PAM: variants seen among roughly 807,000 people sequenced by gnomAD.
PAM encodes the protein peptidyl-glycine alpha-amidating monooxygenase.
Under a neutral mutation model 122.1 loss-of-function variants are expected in PAM, and 72 were observed. The ratio of observed to expected loss-of-function variants is 0.59; its 90% CI spans 0.49 to 0.72. The LOEUF (loss-of-function observed/expected upper bound fraction) is 0.72. Among genes scored for constraint, PAM ranks in the 30% least tolerant of loss-of-function variants. The probability of loss-of-function intolerance (pLI) is 0.00; values close to 1 mark genes in which losing one functional copy is unlikely to be tolerated. For synonymous variants in PAM, 389 were observed against 404.4 expected (o/e 0.96, Z 0.46); for missense variants, 1,106 against 1,183.7 (o/e 0.93, Z 0.96).
intron 3 of PAM, among the ~76,000 whole-genome samples, chr5:102,900,254 T>TGTGTGTGTCGGGG (rs777616737): frequency 3.7e-5 from 1 of 26,978 alleles, no homozygotes; most frequent in African/African-American, 1.7e-4. Context: ...TGTGTGTGTG[T>TGTGTGTGTCGGGG]GGGGGGGGGG....
At position 102,844,500 on chromosome 5, in the gene PAM, T is replaced by C. The variant is rs148483295; in HGVS notation, c.-373-21323T>C. The stretch of plus-strand genomic sequence containing the variant: ...TGGGTAACATAGCGAGACCCCCATC[T>C]CTACAAAAAATTAAAAAATCAGCTG... On this transcript the variant is annotated intron_variant, in intron 1 of 25. Transcript: ENST00000438793. 2.5e-3 allele frequency among the ~76,000 whole-genome samples: 385 copies of C among 152,020 alleles called. 4 individuals carry two copies. Among genetic ancestry groups the C allele is most frequent in the African/African-American group, 8.7e-3 (360 of 41,452 alleles).
At chr5:102,997,143 G>T (rs1468462111) in intron 16 of PAM, among the ~76,000 whole-genome samples, 3 of 152,114 alleles carry the variant, frequency 2.0e-5, no homozygotes, top group Admixed American at 6.5e-5. Context: ...TGTAATTTGT[G>T]ATAGCAAACG....
intron 1 of PAM, among the ~76,000 whole-genome samples, chr5:102,857,633 CTG>C (rs1368058167): frequency 3.9e-5 from 6 of 152,130 alleles, no homozygotes; most frequent in Admixed American, 3.3e-4. Context: ...GTCAGATTGC[CTG>C]TGTTTATGTC....
intron 12 of PAM, among the ~76,000 whole-genome samples, chr5:102,957,420 G>C (rs1761103973): frequency 6.6e-6 from 1 of 152,044 alleles, no homozygotes; most frequent in Admixed American, 6.6e-5. Context: ...ACAGTCATGA[G>C]CACATTGTGT....
chr5:102,920,055 C>G (rs1746849978), intron 5 of PAM, among the ~76,000 whole-genome samples: 3 of 152,030 alleles, frequency 2.0e-5, no homozygotes, highest in African/African-American at 7.2e-5. Context: ...AGATCCAGAA[C>G]TGTGAAATCG....
At chr5:102,812,833 C>T (rs982041944) in intron 1 of PAM, among the ~76,000 whole-genome samples, 12 of 151,772 alleles carry the variant, frequency 7.9e-5, no homozygotes. Flanking sequence ...TCAAAAATAC[C>T]TCCATAAATA....
At chr5:102,927,432 A>G (rs529876742) in intron 7 of PAM, among the ~76,000 whole-genome samples, 44 of 152,230 alleles carry the variant, frequency 2.9e-4, no homozygotes, top group Admixed American at 1.7e-3. Context: ...CTTTTCTACT[A>G]TGTCTTGCTG....
chr5:102,954,105 C>T (rs1212556947), intron 12 of PAM, among the ~76,000 whole-genome samples: 2 of 151,920 alleles, frequency 1.3e-5, no homozygotes, highest in Non-Finnish European at 2.9e-5. Context: ...TTAATAGTAC[C>T]ACACTGTATC....
Position 102,926,479 on chromosome 5 carries a change from A to C in PAM, c.443-106A>C, listed in dbSNP as rs559588452. On this transcript the variant is annotated intron_variant, in intron 6 of 25. Transcript: ENST00000438793. ...TTCTGTTTTCATATAATATAATTTT[A>C]TATGTTATATGTTATTTCCCTTTGG... The C allele has an allele frequency of 7.9e-5, 53 of 670,404 alleles. No individual in the cohort carries two copies. In the Admixed American group the frequency reaches 1.3e-3, roughly 16 times the overall value. 41.5% of individuals were successfully genotyped at this position (670,404 alleles called of 1,614,324 possible). A position where few individuals can be genotyped will look rare whatever the true frequency, so the allele number is the denominator to read the frequency against.
intron 1 of PAM, among the ~76,000 whole-genome samples, chr5:102,796,103 A>G (rs1434932440): frequency 6.6e-6 from 1 of 152,180 alleles, no homozygotes; most frequent in Non-Finnish European, 1.5e-5. Flanking sequence ...CCCTTGGAAG[A>G]GGCACTGGAC....
chr5:103,020,403 T>A (rs1029696964), intron 23 of PAM, among the ~76,000 whole-genome samples: 1 of 152,032 alleles, frequency 6.6e-6, no homozygotes, highest in Non-Finnish European at 1.5e-5. Flanking sequence ...CTTATAGCCT[T>A]ATAAGGAGAG....
intron 3 of PAM, among the ~76,000 whole-genome samples, chr5:102,869,071 T>TTCCAGCAAATAGCTGGTTGCCTC (rs1786514531): frequency 6.6e-6 from 1 of 152,212 alleles, no homozygotes; most frequent in Non-Finnish European, 1.5e-5. Flanking sequence ...CTGGTTGCCT[T>TTCCAGCAAATAGCTGGTTGCCTC]TCCAGCAAAT....
intron 3 of PAM, among the ~76,000 whole-genome samples, chr5:102,893,612 A>G (rs1795354247): frequency 6.6e-6 from 1 of 151,820 alleles, no homozygotes; most frequent in African/African-American, 2.4e-5. Context: ...TGTGAAAAGT[A>G]TCTGCTTTTG....
At chr5:102,813,589 T>C (rs1312922373) in intron 1 of PAM, among the ~76,000 whole-genome samples, 2 of 152,222 alleles carry the variant, frequency 1.3e-5, no homozygotes, top group African/African-American at 4.8e-5. Context: ...TTTACTTCCA[T>C]CTTTAAATGA....
chr5:103,005,252 A>C (rs1384557395), intron 18 of PAM, 26 bp downstream of exon 18: 6 of 995,512 alleles, frequency 6.0e-6, no homozygotes, highest in Non-Finnish European at 9.7e-6. Flanking sequence ...GTAATATTCA[A>C]ATTAGAAGCT....
intron 1 of PAM, among the ~76,000 whole-genome samples, chr5:102,787,818 T>C (rs1760955080): frequency 6.6e-6 from 1 of 152,080 alleles, no homozygotes; most frequent in South Asian, 2.1e-4. Context: ...TTTCCAGTAT[T>C]CATATCTCCC....
At chr5:102,936,208 G>C (rs1441972677) in intron 7 of PAM, among the ~76,000 whole-genome samples, 1 of 151,972 alleles carries the variant, frequency 6.6e-6, no homozygotes, top group Non-Finnish European at 1.5e-5. Flanking sequence ...AATTGGCTGT[G>C]GTGGGAAAAT....
intron 1 of PAM, among the ~76,000 whole-genome samples, chr5:102,801,009 A>G (rs1455755066): frequency 6.6e-6 from 1 of 152,166 alleles, no homozygotes; most frequent in East Asian, 1.9e-4. Context: ...TATATATTTT[A>G]TATACTTGCT....
chr5:102,895,218 G>T (rs1795877219), intron 3 of PAM, among the ~76,000 whole-genome samples: 1 of 151,630 alleles, frequency 6.6e-6, no homozygotes, highest in Non-Finnish European at 1.5e-5. Flanking sequence ...CTAAAACATT[G>T]CCAACCCCCC....
Sources: allele counts gnomAD v4.1 joint callset (sites outside exome capture counted in the v4.1 genomes callset), GRCh38; gene constraint gnomAD v4.1.1; transcripts MANE v1.5; gene names NCBI Gene and HGNC (gene_info 2026-07-23, HGNC 2026-07-21).